ZNF536: variants seen among roughly 807,000 people sequenced by gnomAD.
The protein encoded by ZNF536 is zinc finger protein 536.
ZNF536 carries 13 observed loss-of-function variants against 84.5 expected under a neutral mutation model. The ratio of observed to expected loss-of-function variants is 0.15; its 90% CI spans 0.10 to 0.24. The LOEUF (loss-of-function observed/expected upper bound fraction) is 0.24. Ranked by LOEUF, ZNF536 falls within the 10% of genes least tolerant of loss-of-function variation. The probability of loss-of-function intolerance (pLI) is 1.00; values close to 1 mark genes in which losing one functional copy is unlikely to be tolerated. For synonymous variants in ZNF536, 811 were observed against 742.5 expected, an observed-to-expected ratio of 1.09 and a Z score of -1.50; for missense variants, 1,536 against 1,747.5, an observed-to-expected ratio of 0.88 and a Z score of 2.16.
At chr19:30,432,765 C>T (rs1173570369) in intron 1 of ZNF536, among the ~76,000 whole-genome samples, 1 of 152,120 alleles carries the variant, frequency 6.6e-6, no homozygotes, top group Non-Finnish European at 1.5e-5. Flanking sequence ...TTTCTAGCTG[C>T]GCATAGACAG....
At chr19:30,562,366 C>T (rs1049870928), downstream of ZNF536, among the ~76,000 whole-genome samples, 3 of 152,112 alleles carry the variant, frequency 2.0e-5, no homozygotes, top group Non-Finnish European at 4.4e-5. Flanking sequence ...AGTGCACGGG[C>T]ATATGAAACT....
At chr19:30,499,583 T>A (rs2145276978) in intron 2 of ZNF536, among the ~76,000 whole-genome samples, 1 of 152,356 alleles carries the variant, frequency 6.6e-6, no homozygotes, top group East Asian at 1.9e-4. Flanking sequence ...TTTAAAATAA[T>A]ATGACTTTAT....
intron 1 of ZNF536, among the ~76,000 whole-genome samples, chr19:30,257,706 C>T (rs1399538744): frequency 6.6e-6 from 1 of 152,164 alleles, no homozygotes; most frequent in African/African-American, 2.4e-5. Flanking sequence ...TGCTGGCCTG[C>T]CTCCCAGGAG....
chr19:30,515,794 G>A (rs2055613268), intron 2 of ZNF536, among the ~76,000 whole-genome samples: 2 of 152,138 alleles, frequency 1.3e-5, no homozygotes, highest in Non-Finnish European at 2.9e-5. Flanking sequence ...GGGAGGCCAA[G>A]GTGCACAGAT....
At chr19:30,317,040 AG>A (rs2046701696) in intron 2 of ZNF536, among the ~76,000 whole-genome samples, 1 of 152,140 alleles carries the variant, frequency 6.6e-6, no homozygotes, top group Non-Finnish European at 1.5e-5. Flanking sequence ...CCTGATAGAG[AG>A]GGGGTTAGCC....
chr19:30,420,727 T>G (rs930930656), intron 1 of ZNF536, among the ~76,000 whole-genome samples: 1 of 152,188 alleles, frequency 6.6e-6, no homozygotes, highest in African/African-American at 2.4e-5. Context: ...TCCCATCTAT[T>G]TAGTTGTTCT....
At chr19:30,629,933 C>G (rs1045390431) in intron 1 of ZNF536, among the ~76,000 whole-genome samples, 3 of 152,216 alleles carry the variant, frequency 2.0e-5, no homozygotes, top group Non-Finnish European at 4.4e-5. Context: ...CCCGTGCCAT[C>G]CAAAACCACC....
intron 1 of ZNF536, among the ~76,000 whole-genome samples, chr19:30,282,822 GAGAC>G (rs906752867): frequency 6.6e-6 from 1 of 152,188 alleles, no homozygotes; most frequent in African/African-American, 2.4e-5. Flanking sequence ...GGAAGAGAGA[GAGAC>G]AGACAGACAG....
intron 1 of ZNF536, among the ~76,000 whole-genome samples, chr19:30,679,289 G>T (rs2050875317): frequency 6.6e-6 from 1 of 152,222 alleles, no homozygotes; most frequent in Non-Finnish European, 1.5e-5. Flanking sequence ...ACAGCTATCT[G>T]GGATCAGAGA....
At chr19:30,333,198 G>T (rs1433064) in intron 2 of ZNF536, among the ~76,000 whole-genome samples, 98,155 of 152,074 alleles carry the variant, frequency 0.65, 32,671 homozygotes, top group East Asian at 0.81. Flanking sequence ...AATAAATAAG[G>T]AAATAATATT....
intron 2 of ZNF536, among the ~76,000 whole-genome samples, chr19:30,453,178 C>T (rs951611119): frequency 6.6e-6 from 1 of 152,164 alleles, no homozygotes; most frequent in Non-Finnish European, 1.5e-5. Flanking sequence ...GTGTCCCCCC[C>T]ACCCCCAAAA....
intron 1 of ZNF536, among the ~76,000 whole-genome samples, chr19:30,269,353 C>T (rs191266062): frequency 1.4e-4 from 22 of 152,204 alleles, no homozygotes; most frequent in Admixed American, 7.8e-4. Flanking sequence ...TGGTGCTCAA[C>T]TGGAAGTTGC....
At chr19:30,262,297 C>T (rs1031924063) in intron 1 of ZNF536, among the ~76,000 whole-genome samples, 7 of 152,230 alleles carry the variant, frequency 4.6e-5, no homozygotes, top group Non-Finnish European at 8.8e-5. Context: ...CCTCCAGGTG[C>T]AGGTGGGAAG....
chr19:30,685,637 G>C (rs2051147766), intron 1 of ZNF536, among the ~76,000 whole-genome samples: 1 of 152,102 alleles, frequency 6.6e-6, no homozygotes, highest in South Asian at 2.1e-4. Flanking sequence ...TGGCTTCTCT[G>C]GACCTCTGGC....
At chr19:30,660,329 T>A (rs1488058841) in intron 1 of ZNF536, among the ~76,000 whole-genome samples, 2 of 152,178 alleles carry the variant, frequency 1.3e-5, no homozygotes, top group East Asian at 3.9e-4. Context: ...TTTGACTATT[T>A]CACCTAAGAG....
At chr19:30,675,449 G>A (rs1010409252) in intron 1 of ZNF536, among the ~76,000 whole-genome samples, 29 of 152,122 alleles carry the variant, frequency 1.9e-4, no homozygotes, top group African/African-American at 7.0e-4. Flanking sequence ...TGTGGACCTC[G>A]GCTGGTCCTA....
intron 1 of ZNF536, among the ~76,000 whole-genome samples, chr19:30,584,920 A>AC (rs2047045242): frequency 6.6e-6 from 1 of 151,826 alleles, no homozygotes; most frequent in African/African-American, 2.4e-5. Context: ...ACATAGCCAG[A>AC]CCCCCTCTCT....
chr19:30,499,039 T>G (rs2054840970), intron 2 of ZNF536, among the ~76,000 whole-genome samples: 1 of 151,984 alleles, frequency 6.6e-6, no homozygotes, highest in Non-Finnish European at 1.5e-5. Context: ...TCTTCTTTTT[T>G]TTTTTTTCAA....
intron 2 of ZNF536, among the ~76,000 whole-genome samples, chr19:30,511,095 G>A (rs1230735396): frequency 6.6e-6 from 1 of 152,184 alleles, no homozygotes; most frequent in Non-Finnish European, 1.5e-5. Flanking sequence ...TCAGTTTTCA[G>A]AGCCTGAATG....
Sources: allele counts gnomAD v4.1 joint callset (sites outside exome capture counted in the v4.1 genomes callset), GRCh38; gene constraint gnomAD v4.1.1; transcripts MANE v1.5; gene names NCBI Gene and HGNC (gene_info 2026-07-23, HGNC 2026-07-21).